SEMA6A: variants seen among roughly 807,000 people sequenced by gnomAD.
SEMA6A encodes semaphorin 6A.
In SEMA6A, 25 loss-of-function variants were observed where a neutral mutation model predicts 96.8. The observed-to-expected ratio is 0.26, with a 90% confidence interval of 0.19 to 0.36. SEMA6A has a LOEUF of 0.36. Among genes scored for constraint, SEMA6A ranks in the 10% least tolerant of loss-of-function variants. SEMA6A has a pLI of 1.00. For synonymous variants in SEMA6A, 612 were observed against 518.0 expected, an observed-to-expected ratio of 1.18 and a Z score of -2.46; for missense variants, 1,363 against 1,323.1, an observed-to-expected ratio of 1.03 and a Z score of -0.47.
At chr5:116,487,768 G>A (rs1206300121) in intron 9 of SEMA6A, among the ~76,000 whole-genome samples, 1 of 152,168 alleles carries the variant, frequency 6.6e-6, no homozygotes, top group Non-Finnish European at 1.5e-5. Context: ...GGAGGCTGAG[G>A]CAGGAGAATC....
intron 1 of SEMA6A, among the ~76,000 whole-genome samples, chr5:116,523,870 A>G (rs1759084125): frequency 6.6e-6 from 1 of 152,194 alleles, no homozygotes. Context: ...CATCCATATT[A>G]CAATCCTAAT....
At position 116,537,839 on chromosome 5, in the gene SEMA6A, C is replaced by T. The variant is rs144951248; in HGVS notation, c.-38-32857G>A. Among the ~76,000 whole-genome samples, 906 of 152,224 alleles carry T rather than the reference C, an allele frequency of 6.0e-3. 10 individuals carry two copies. The highest frequency in any genetic ancestry group is 0.021 in the African/African-American group (875 of 41,540). ...GGAAAATACAGAGAATTAATATAGA[C>T]AGGTGGCACAAACAAAAAGTTTAAC... On this transcript the variant is annotated intron_variant, in intron 1 of 18. Transcript: ENST00000343348.
chr5:116,467,020 G>A (rs1009786052), intron 18 of SEMA6A, among the ~76,000 whole-genome samples: 2 of 152,062 alleles, frequency 1.3e-5, no homozygotes, highest in East Asian at 1.9e-4. Context: ...TAGCAATTCT[G>A]CTTGATTAAA....
At chr5:116,492,822 TG>T (rs1387736824) in intron 6 of SEMA6A, among the ~76,000 whole-genome samples, 1 of 152,238 alleles carries the variant, frequency 6.6e-6, no homozygotes. Context: ...GGTTTTTCAC[TG>T]GAAGACTGGT....
At chr5:116,511,714 C>T (rs1758414034) in intron 1 of SEMA6A, among the ~76,000 whole-genome samples, 1 of 152,136 alleles carries the variant, frequency 6.6e-6, no homozygotes, top group Non-Finnish European at 1.5e-5. Flanking sequence ...GTGATTGCAG[C>T]CTTAAGGTGA....
chr5:116,486,926 A>G lies in SEMA6A; in HGVS notation c.785T>C (p.Met262Thr), dbSNP rs1174575960. ...PRVAQVCKND[M>T]GGSQRVLEKQ... ...CTCCAGGACTCTTTGAGATCCTCCCATATCATTCTTACAAACCTGAGCCAC... is the reference window on the plus strand; with the variant it reads ...CTCCAGGACTCTTTGAGATCCTCCCGTATCATTCTTACAAACCTGAGCCAC... The change falls in exon 10 of 19, where the codon ATG becomes ACG. Residue 262 changes from methionine (M) to threonine (T), a missense_variant. This residue lies in a region of SEMA6A where 480 missense variants were observed against 559.5 expected (regional missense o/e 0.86). Coordinates refer to ENST00000343348, the MANE Select transcript of SEMA6A (RefSeq NM_020796.5). The G allele has an allele frequency of 6.2e-7, 1 of 1,613,798 alleles. No individual in the cohort carries two copies. The highest frequency in any genetic ancestry group is 8.5e-7 in the Non-Finnish European group (1 of 1,179,772).
At chr5:116,540,639 T>G (rs1412329991) in intron 1 of SEMA6A, among the ~76,000 whole-genome samples, 1 of 152,250 alleles carries the variant, frequency 6.6e-6, no homozygotes, top group Non-Finnish European at 1.5e-5. Context: ...TGTCCCTGTT[T>G]GCTTGTAATC....
At chr5:116,570,868 G>A (rs532194276) in intron 1 of SEMA6A, among the ~76,000 whole-genome samples, 1 of 152,194 alleles carries the variant, frequency 6.6e-6, no homozygotes, top group African/African-American at 2.4e-5. Context: ...TTCTTAATTT[G>A]GATGCCTCAT....
chr5:116,491,144 G>A (rs76225803), intron 7 of SEMA6A, among the ~76,000 whole-genome samples: 132 of 152,266 alleles, frequency 8.7e-4, no homozygotes, highest in African/African-American at 3.1e-3. Flanking sequence ...AAGCTTGGGG[G>A]TATGTGGCCT....
chr5:116,460,346 A>C (rs1755302639), intron 18 of SEMA6A, among the ~76,000 whole-genome samples: 1 of 152,188 alleles, frequency 6.6e-6, no homozygotes, highest in Admixed American at 6.5e-5. Context: ...AAGTATGCTA[A>C]GAATATTTTT....
At chr5:116,537,991 A>G (rs138690340) in intron 1 of SEMA6A, among the ~76,000 whole-genome samples, 3,839 of 152,244 alleles carry the variant, frequency 0.025, 193 homozygotes, top group African/African-American at 0.087. Flanking sequence ...CTTGGCCAAC[A>G]TGGTGAAACC....
Position 116,558,767 on chromosome 5 carries a change from T to G in SEMA6A, c.-39+15418A>C, listed in dbSNP as rs1463421399. On this transcript the variant is annotated intron_variant, in intron 1 of 18. Transcript: ENST00000343348. ...GTGAGCCACCGCGCCCGGCCAAGGA[T>G]TCTTTTAAATAGTATAAAAACAACA... 1.1e-4 allele frequency among the ~76,000 whole-genome samples: 16 copies of G among 151,982 alleles called. 6 individuals carry two copies. Among genetic ancestry groups the G allele is most frequent in the Non-Finnish European group, 2.1e-4 (14 of 67,996 alleles).
intron 1 of SEMA6A, among the ~76,000 whole-genome samples, chr5:116,559,211 CT>C (rs1409302607): frequency 6.6e-6 from 1 of 152,166 alleles, no homozygotes; most frequent in South Asian, 2.1e-4. Flanking sequence ...TTTCAGCAGT[CT>C]TTGTGAAGAG....
At chr5:116,467,057 C>T (rs1424285806) in intron 18 of SEMA6A, among the ~76,000 whole-genome samples, 1 of 151,956 alleles carries the variant, frequency 6.6e-6, no homozygotes, top group Non-Finnish European at 1.5e-5. Flanking sequence ...TAGCTACTAT[C>T]CTCTAAGGGC....
At chr5:116,545,590 T>C (rs1014478688) in intron 1 of SEMA6A, among the ~76,000 whole-genome samples, 6 of 152,058 alleles carry the variant, frequency 3.9e-5, no homozygotes, top group African/African-American at 1.4e-4. Flanking sequence ...ATTGCTTCCC[T>C]CCTTTGTTCA....
At chr5:116,507,967 C>G (rs933228428) in intron 1 of SEMA6A, 2 of 152,190 alleles carry the variant, frequency 1.3e-5, no homozygotes, top group Non-Finnish European at 2.9e-5. Flanking sequence ...TTTGTCAGGT[C>G]TATTTAGGTT....
intron 1 of SEMA6A, among the ~76,000 whole-genome samples, chr5:116,527,343 C>T (rs1759274201): frequency 6.6e-6 from 1 of 152,032 alleles, no homozygotes; most frequent in South Asian, 2.1e-4. Context: ...TTAAACATGG[C>T]CAAAAGACGA....
At chr5:116,489,142 G>T (rs182087524) in intron 7 of SEMA6A, 135 bp from the exon 8 acceptor site, 1 of 1,024,362 alleles carries the variant, frequency 9.8e-7, no homozygotes, top group Non-Finnish European at 1.3e-6. Flanking sequence ...TCCAAGAGTC[G>T]CTGGGAAAAC....
intron 1 of SEMA6A, among the ~76,000 whole-genome samples, chr5:116,523,438 C>T (rs890900075): frequency 6.6e-6 from 1 of 152,050 alleles, no homozygotes; most frequent in African/African-American, 2.4e-5. Context: ...CTCAGCCTCC[C>T]GAGTCTGAGA....
Sources: gnomAD v4.1 joint callset for allele counts (sites outside exome capture counted in the v4.1 genomes callset) on GRCh38, gnomAD v4.1.1 for gene constraint, gnomAD v4.1.1 regional missense constraint, MANE v1.5 for transcripts, NCBI Gene and HGNC (gene_info 2026-07-23, HGNC 2026-07-21) for gene names.